PTPRD: variants seen among roughly 807,000 people sequenced by gnomAD.
The protein encoded by PTPRD is protein tyrosine phosphatase receptor type D, also known as receptor-type tyrosine-protein phosphatase delta.
PTPRD carries 34 observed loss-of-function variants against 214.5 expected under a neutral mutation model. That is an observed-to-expected ratio of 0.16 (90% CI 0.12 to 0.21). PTPRD has a LOEUF of 0.21. Among genes scored for constraint, PTPRD ranks in the 10% least tolerant of loss-of-function variants. The pLI, the probability that PTPRD is intolerant of heterozygous loss-of-function variation, is 1.00. For missense variants in PTPRD, 2,545 were observed against 2,398.7 expected, an observed-to-expected ratio of 1.06 and a Z score of -1.27; for synonymous variants, 1,128 against 845.7, an observed-to-expected ratio of 1.33 and a Z score of -5.79.
intron 3 of PTPRD, among the ~76,000 whole-genome samples, chr9:10,160,866 T>C (rs1369576109): frequency 1.3e-5 from 2 of 151,852 alleles, no homozygotes; most frequent in Non-Finnish European, 2.9e-5. Context: ...ATAAATTCAG[T>C]ACAGTTGGAA....
intron 2 of PTPRD, among the ~76,000 whole-genome samples, chr9:10,560,804 C>T (rs1458873773): frequency 6.6e-6 from 1 of 152,044 alleles, no homozygotes; most frequent in African/African-American, 2.4e-5. Flanking sequence ...TCACACTAAC[C>T]ATATTTCAAG....
chr9:8,605,109 C>A (rs552906696), intron 14 of PTPRD, among the ~76,000 whole-genome samples: 1 of 152,328 alleles, frequency 6.6e-6, no homozygotes, highest in Admixed American at 6.5e-5. Context: ...ATGCTCCCAA[C>A]CCAACTGCCA....
chr9:9,559,508 C>T (rs1294113227), intron 8 of PTPRD, among the ~76,000 whole-genome samples: 1 of 152,238 alleles, frequency 6.6e-6, no homozygotes, highest in Admixed American at 6.5e-5. Context: ...ACATGTAGGG[C>T]TTGTGCCTAC....
At chr9:10,576,840 TA>T (rs1435169075) in intron 2 of PTPRD, among the ~76,000 whole-genome samples, 1 of 152,138 alleles carries the variant, frequency 6.6e-6, no homozygotes, top group Non-Finnish European at 1.5e-5. Flanking sequence ...CCAAGTTAAA[TA>T]CATCATTGTT....
chr9:9,885,729 C>A (rs1321800056), intron 5 of PTPRD, among the ~76,000 whole-genome samples: 5 of 151,962 alleles, frequency 3.3e-5, no homozygotes, highest in Middle Eastern at 3.2e-3. Flanking sequence ...AATAGGTTAT[C>A]CCCCAGATCT....
intron 4 of PTPRD, among the ~76,000 whole-genome samples, chr9:9,955,526 GT>G (rs779657484): frequency 4.4e-4 from 59 of 134,112 alleles, no homozygotes; most frequent in Admixed American, 5.8e-4. Context: ...GTTTTGTTTT[GT>G]TTTTTTTTTT....
intron 10 of PTPRD, among the ~76,000 whole-genome samples, chr9:9,075,889 A>G (rs1591138971): frequency 6.6e-6 from 1 of 152,148 alleles, no homozygotes; most frequent in African/African-American, 2.4e-5. Context: ...ATGTGTCTTT[A>G]TAGCAGCATG....
intron 14 of PTPRD, among the ~76,000 whole-genome samples, chr9:8,617,039 A>G (rs1274806588): frequency 6.6e-6 from 1 of 152,080 alleles, no homozygotes; most frequent in East Asian, 1.9e-4. Flanking sequence ...TACTTTCTAT[A>G]ACTGTTGTCC....
intron 11 of PTPRD, among the ~76,000 whole-genome samples, chr9:8,810,687 T>G (rs1204032112): frequency 1.3e-5 from 2 of 152,186 alleles, no homozygotes; most frequent in Non-Finnish European, 1.5e-5. Flanking sequence ...TTTTAAATAT[T>G]GGCAACTATT....
chr9:8,877,542 G>A (rs191568829), intron 11 of PTPRD, among the ~76,000 whole-genome samples: 4 of 152,064 alleles, frequency 2.6e-5, no homozygotes, highest in African/African-American at 9.6e-5. Context: ...TTATCTTTTT[G>A]TTATTTTGGT....
Position 8,870,714 on chromosome 9 carries a change from A to ACG in PTPRD, c.-103-136769_-103-136768insCG, listed in dbSNP as rs145739792. On this transcript the variant is annotated intron_variant, in intron 11 of 45. Coordinates refer to ENST00000381196, the MANE Select transcript of PTPRD (RefSeq NM_002839.4). ...CACACACACACACACACACACACAC[A>ACG]CACACACACACACACGGGAGTTCAG... 2.5e-4 allele frequency among the ~76,000 whole-genome samples: 37 copies of ACG among 150,094 alleles called. No individual in the cohort carries two copies. In the South Asian group the frequency reaches 5.2e-3, roughly 21 times the overall value.
intron 5 of PTPRD, among the ~76,000 whole-genome samples, chr9:9,783,422 G>A (rs569253191): frequency 7.2e-5 from 11 of 152,194 alleles, no homozygotes; most frequent in African/African-American, 2.4e-4. Flanking sequence ...ACTGAATCAT[G>A]ACAAGTAATC....
chr9:8,723,912 A>C (rs2098529343), intron 12 of PTPRD, among the ~76,000 whole-genome samples: 1 of 152,214 alleles, frequency 6.6e-6, no homozygotes, highest in South Asian at 2.1e-4. Context: ...GTGTATCTTA[A>C]AGCCACATTT....
In PTPRD at chr9:8,504,421, G is replaced by T; in HGVS notation, c.1678-16C>A. On this transcript the variant is annotated splice_polypyrimidine_tract_variant and intron_variant, in intron 22 of 45. Coordinates refer to ENST00000381196, the MANE Select transcript of PTPRD (RefSeq NM_002839.4). ...TAATTCGTTGCTGGAAGCAATAAGA[G>T]AATGTGGTCATCTTCATTAAGGTTC... 2 of 1,613,912 alleles carry T rather than the reference G, an allele frequency of 1.2e-6. No individual in the cohort carries two copies. Among genetic ancestry groups the T allele is most frequent in the South Asian group, 1.1e-5 (1 of 91,066 alleles).
chr9:10,443,090 G>C lies in PTPRD; in HGVS notation c.-599-102073C>G, dbSNP rs1461169529. Among the ~76,000 whole-genome samples, 6 of 120,000 alleles carry C rather than the reference G, an allele frequency of 5.0e-5. No individual in the cohort carries two copies. In the East Asian group the frequency reaches 1.4e-3, roughly 29 times the overall value. The allele number at this position is 120,000 out of a possible 152,430, so 78.7% of individuals were successfully genotyped here. A position where few individuals can be genotyped will look rare whatever the true frequency, so the allele number is the denominator to read the frequency against. ...CTGCCTTCTAATGTGAGCAATTTCA[G>C]AAAAAAAAAAAAAGGCCTGGATGGT... On this transcript the variant is annotated intron_variant, in intron 2 of 45. Transcript: ENST00000381196.
chr9:10,423,222 G>A (rs1420473500), intron 2 of PTPRD, among the ~76,000 whole-genome samples: 13 of 151,954 alleles, frequency 8.6e-5, no homozygotes, highest in African/African-American at 2.4e-5. Context: ...ACCAAGCACC[G>A]CATGTTCTCA....
At chr9:10,548,049 G>A (rs1590627809) in intron 2 of PTPRD, among the ~76,000 whole-genome samples, 1 of 152,068 alleles carries the variant, frequency 6.6e-6, no homozygotes, top group Admixed American at 6.6e-5. Flanking sequence ...GTTGCTGTGG[G>A]TGGAAAACAT....
intron 6 of PTPRD, among the ~76,000 whole-genome samples, chr9:9,764,982 C>G (rs1404009573): frequency 1.3e-5 from 2 of 152,110 alleles, no homozygotes; most frequent in African/African-American, 4.8e-5. Context: ...TTGCATTGTG[C>G]TATGTTTGAT....
intron 3 of PTPRD, among the ~76,000 whole-genome samples, chr9:10,046,272 C>G (rs1044593436): frequency 6.6e-6 from 1 of 151,784 alleles, no homozygotes; most frequent in African/African-American, 2.4e-5. Flanking sequence ...GTTATCCATA[C>G]AATTTTTAAG....
Sources: gnomAD v4.1 joint callset for allele counts (sites outside exome capture counted in the v4.1 genomes callset) on GRCh38, gnomAD v4.1.1 for gene constraint, MANE v1.5 for transcripts, NCBI Gene and HGNC (gene_info 2026-07-23, HGNC 2026-07-21) for gene names.